Variants in CCDC134 observed in about 807,000 individuals in gnomAD.
CCDC134 encodes coiled-coil domain-containing protein 134.
In CCDC134, 27 loss-of-function variants were observed where a neutral mutation model predicts 25.6. The observed-to-expected ratio is 1.05, with a 90% confidence interval of 0.78 to 1.45. CCDC134 has a LOEUF of 1.45. CCDC134 is among the 40% of genes most tolerant of loss of function. The pLI is 0.00. For synonymous variants in CCDC134, 110 were observed against 115.0 expected (o/e 0.96, Z 0.28); for missense variants, 261 against 286.7 (o/e 0.91, Z 0.65).
At position 41,827,363 on chromosome 22, in the gene CCDC134, C is replaced by A. The variant is rs1035784089; in HGVS notation, c.*1540C>A. ...CCTGCCCTTCTCAGGTTGTGTGACCCCAGCCACATGGACACCCGAGTCTGT... is the reference window on the plus strand; with the variant it reads ...CCTGCCCTTCTCAGGTTGTGTGACCACAGCCACATGGACACCCGAGTCTGT... On this transcript the variant is annotated 3_prime_UTR_variant, in exon 7 of 7. Transcript: ENST00000255784. Among the ~76,000 whole-genome samples the A allele has an allele frequency of 6.6e-6, 1 of 152,194 alleles. No individual in the cohort carries two copies. The highest frequency in any genetic ancestry group is 1.5e-5 in the Non-Finnish European group (1 of 68,034).
rs771580313 is a variant in CCDC134 at position 41,825,697 on chromosome 22, G to A, written c.565-1G>A. On this transcript the variant is annotated splice_acceptor_variant, in intron 6 of 6. Coordinates refer to ENST00000255784, the MANE Select transcript of CCDC134 (RefSeq NM_024821.5). LOFTEE classifies it high-confidence loss of function. This position sits in a 1 kb window ranked among gnomAD's most constrained non-coding sequence, Gnocchi z 4.4. ...TCAGACTGCTCTTCTCTTCCCTTCA[G>A]TTCATTCCCAGCACTGACCCTTTCC... 1 of 1,613,990 alleles carries A rather than the reference G, an allele frequency of 6.2e-7. No homozygotes were observed. The highest frequency in any genetic ancestry group is 8.5e-7 in the Non-Finnish European group (1 of 1,179,912).
In CCDC134 at chr22:41,828,289, A is replaced by G. The variant is rs905519825; in HGVS notation, c.*2466A>G. 2.0e-5 allele frequency among the ~76,000 whole-genome samples: 3 copies of G among 152,178 alleles called. No individual in the cohort carries two copies. Among genetic ancestry groups the G allele is most frequent in the Non-Finnish European group, 4.4e-5 (3 of 68,038 alleles). On this transcript the variant is annotated 3_prime_UTR_variant, in exon 7 of 7. Transcript: ENST00000255784. ...TTGGGCCCCCCATCTCAGAATGCCC[A>G]GTGGTTGAAAGGATGAAACCTGGAA...
Position 41,813,277 on chromosome 22 carries a change from G to C in CCDC134, c.324G>C (p.Val108=). 1.2e-6 allele frequency: 2 copies of C among 1,614,162 alleles called. No homozygotes were observed. The highest frequency in any genetic ancestry group is 1.7e-6 in the Non-Finnish European group (2 of 1,180,024). Residue 108 remains valine (V), a synonymous_variant, in exon 5 of 7, where the codon GTG becomes GTC. Coordinates refer to ENST00000255784, the MANE Select transcript of CCDC134 (RefSeq NM_024821.5). The part of the protein sequence containing the change: ...DEKLKDAFSH[V]VENTAFFGDV... ...TCCTCTCGCCAGCTTTCTCCCACGT[G>C]GTGGAGAACACGGCCTTCTTCGGCG...
rs2076675653 is a variant in CCDC134 at position 41,825,912 on chromosome 22, G to C, written c.*89G>C. The C allele has an allele frequency of 6.5e-7, 1 of 1,542,246 alleles. No individual in the cohort carries two copies. Among genetic ancestry groups the C allele is most frequent in the Non-Finnish European group, 8.8e-7 (1 of 1,137,868 alleles). ...GGTGTGGTTGTGGTGGAGAGCACCA[G>C]CTAGCCCCTTCCAGAAGGGGAGGCC... On this transcript the variant is annotated 3_prime_UTR_variant, in exon 7 of 7. Coordinates refer to ENST00000255784, the MANE Select transcript of CCDC134 (RefSeq NM_024821.5). The surrounding 1 kb of genome is among the most constrained non-coding windows in gnomAD (Gnocchi z 4.4).
Position 41,825,926 on chromosome 22 carries a change from G to A in CCDC134, c.*103G>A. On this transcript the variant is annotated 3_prime_UTR_variant, in exon 7 of 7. Transcript: ENST00000255784. This position sits in a 1 kb window ranked among gnomAD's most constrained non-coding sequence, Gnocchi z 4.4. ...GGAGAGCACCAGCTAGCCCCTTCCA[G>A]AAGGGGAGGCCACATTTGCCCGGCC... The A allele has an allele frequency of 6.6e-7, 1 of 1,506,300 alleles. No individual in the cohort carries two copies. The highest frequency in any genetic ancestry group is 2.5e-4 in the Middle Eastern group (1 of 4,072). 93.3% of individuals were successfully genotyped at this position (1,506,300 alleles called of 1,614,324 possible).
chr22:41,804,017 T>C (rs1430167136), intron 1 of CCDC134, among the ~76,000 whole-genome samples: 1 of 148,648 alleles, frequency 6.7e-6, no homozygotes, highest in African/African-American at 2.5e-5. Context: ...CCTGTAGTCC[T>C]AGTTACTCGG....
chr22:41,809,962 T>C lies in CCDC134; in HGVS notation c.187T>C (p.Tyr63His). The C allele has an allele frequency of 6.2e-7, 1 of 1,614,132 alleles. No individual in the cohort carries two copies. The highest frequency in any genetic ancestry group is 8.5e-7 in the Non-Finnish European group (1 of 1,180,026). ...LAQLNDIHQQYKILDVMLKGL... is the reference protein window; with the variant it reads ...LAQLNDIHQQHKILDVMLKGL... ...ACAGCTGAACGACATCCACCAGCAG[T>C]ACAAGATCCTTGATGTCATGCTCAA... is the stretch of plus-strand genomic sequence containing the variant. Residue 63 changes from tyrosine to histidine, a missense_variant, in exon 3 of 7, where the codon TAC (tyrosine) becomes CAC (histidine). Physicochemically the swap from Tyr to His is moderately conservative, Grantham distance 83. Transcript: ENST00000255784.
At chr22:41,818,479 A>G (rs1287899352) in intron 6 of CCDC134, among the ~76,000 whole-genome samples, 1 of 152,232 alleles carries the variant, frequency 6.6e-6, no homozygotes, top group Non-Finnish European at 1.5e-5. Flanking sequence ...GCTAAGGGCT[A>G]ACCTTGGAAG....
intron 6 of CCDC134, among the ~76,000 whole-genome samples, chr22:41,817,226 A>G (rs2076626759): frequency 6.6e-6 from 1 of 151,858 alleles, no homozygotes; most frequent in South Asian, 2.1e-4. Context: ...GTTTTGTGCC[A>G]CTCCTTGGTA....
intron 6 of CCDC134, among the ~76,000 whole-genome samples, chr22:41,814,114 T>G (rs2076611360): frequency 1.3e-5 from 2 of 152,172 alleles, no homozygotes; most frequent in Admixed American, 1.3e-4. Flanking sequence ...TTCAGGTGGA[T>G]ATCAGGGTAG....
intron 6 of CCDC134, among the ~76,000 whole-genome samples, chr22:41,817,767 T>A (rs1024995816): frequency 1.4e-5 from 2 of 144,598 alleles, no homozygotes; most frequent in Non-Finnish European, 3.1e-5. Flanking sequence ...AATAAATAAA[T>A]AAAAAGAGAG....
At chr22:41,807,393 G>A (rs912332382) in intron 1 of CCDC134, among the ~76,000 whole-genome samples, 3 of 151,420 alleles carry the variant, frequency 2.0e-5, no homozygotes, top group Non-Finnish European at 2.9e-5. Flanking sequence ...CAAAACCCAC[G>A]TCTAAGAAAA....
intron 2 of CCDC134, 96 bp downstream of exon 2, chr22:41,809,089 G>A: frequency 9.8e-7 from 1 of 1,015,340 alleles, no homozygotes; most frequent in Non-Finnish European, 1.5e-6. Flanking sequence ...GGCCCAGCTG[G>A]CGGGAACAGG....
At chr22:41,811,841 G>A (rs1377332870) in intron 4 of CCDC134, among the ~76,000 whole-genome samples, 1 of 152,156 alleles carries the variant, frequency 6.6e-6, no homozygotes, top group African/African-American at 2.4e-5. Context: ...TCATCTTTTT[G>A]AGGGGTTATC....
intron 1 of CCDC134, among the ~76,000 whole-genome samples, chr22:41,805,995 A>T (rs917930303): frequency 6.6e-6 from 1 of 152,132 alleles, no homozygotes; most frequent in African/African-American, 2.4e-5. Flanking sequence ...TTGATTAGAG[A>T]TTTCAGGAAT....
intron 6 of CCDC134, among the ~76,000 whole-genome samples, chr22:41,823,913 C>A (rs1358419483): frequency 6.6e-6 from 1 of 152,202 alleles, no homozygotes; most frequent in Non-Finnish European, 1.5e-5. Flanking sequence ...TTTTTTTTCT[C>A]ATCCACATTA....
Position 41,829,286 on chromosome 22 carries a change from G to A in CCDC134, c.*3463G>A, listed in dbSNP as rs1296274207. 6.6e-6 allele frequency among the ~76,000 whole-genome samples: 1 copy of A among 152,144 alleles called. No individual in the cohort carries two copies. The highest frequency in any genetic ancestry group is 1.5e-5 in the Non-Finnish European group (1 of 68,036). On this transcript the variant is annotated 3_prime_UTR_variant, in exon 7 of 7. Transcript: ENST00000255784. ...TGATTCTCTCAGGCTTGTTGTTGTA[G>A]TTCTCTGCTGTCAAGTCTGAGCTGA...
At chr22:41,801,695 A>G (rs1032006646) in intron 1 of CCDC134, among the ~76,000 whole-genome samples, 1 of 152,162 alleles carries the variant, frequency 6.6e-6, no homozygotes, top group Admixed American at 6.6e-5. Flanking sequence ...AGAGACAAGT[A>G]CCATGAGTGC....
At position 41,826,635 on chromosome 22, in the gene CCDC134, C is replaced by A. The variant is rs1199191917; in HGVS notation, c.*812C>A. Among the ~76,000 whole-genome samples, 1 of 152,218 alleles carries A rather than the reference C, an allele frequency of 6.6e-6. No individual in the cohort carries two copies. The highest frequency in any genetic ancestry group is 6.5e-5 in the Admixed American group (1 of 15,288). On this transcript the variant is annotated 3_prime_UTR_variant, in exon 7 of 7. Coordinates refer to ENST00000255784, the MANE Select transcript of CCDC134 (RefSeq NM_024821.5). ...CTGGCAGCGCTGGAAGACAGTCAAC[C>A]TGTGGGTGGGGGGCTGCAGGGGGAC... is the stretch of plus-strand genomic sequence containing the variant.
Sources: gnomAD v4.1 joint callset for allele counts (sites outside exome capture counted in the v4.1 genomes callset) on GRCh38, gnomAD v4.1.1 for gene constraint, Gnocchi (gnomAD v3.1) non-coding constraint, MANE v1.5 for transcripts, NCBI Gene and HGNC (gene_info 2026-07-23, HGNC 2026-07-21) for gene names.